The following LMBR1 variants were observed in gnomAD, a reference collection of about 807,000 sequenced individuals.
LMBR1 encodes limb region 1 protein homolog.
Under a neutral mutation model 73.9 loss-of-function variants are expected in LMBR1, and 52 were observed. The ratio of observed to expected loss-of-function variants is 0.70; its 90% CI spans 0.56 to 0.89. LMBR1 has a LOEUF of 0.89. Ranked by LOEUF, LMBR1 falls within the 40% of genes least tolerant of loss-of-function variation. The pLI is 0.00. For missense variants in LMBR1, 539 were observed against 579.8 expected (o/e 0.93, Z 0.72); for synonymous variants, 215 against 209.4 (o/e 1.03, Z -0.23).
chr7:156,689,793 A>G (rs1213533066), intron 15 of LMBR1, among the ~76,000 whole-genome samples: 1 of 152,214 alleles, frequency 6.6e-6, no homozygotes, highest in East Asian at 1.9e-4. Context: ...TTTCTCAGCT[A>G]TTCATATTAA....
rs771271552 is a variant in LMBR1, at chr7:156,712,349, T to TA, written c.1225+11762dup. Among the ~76,000 whole-genome samples, 450 of 150,476 alleles carry TA rather than the reference T, an allele frequency of 3.0e-3. 3 individuals carry two copies. The highest frequency in any genetic ancestry group is 9.4e-3 in the African/African-American group (387 of 41,022). On this transcript the variant is annotated intron_variant, in intron 15 of 16. Transcript: ENST00000353442. ...AGTCAGAATGGCTACTATTAAAAAG[T>TA]AAAAAAAAACAACAAATGTTGGAGA...
At chr7:156,784,843 C>A (rs956175258) in intron 5 of LMBR1, among the ~76,000 whole-genome samples, 2 of 152,120 alleles carry the variant, frequency 1.3e-5, no homozygotes, top group African/African-American at 4.8e-5. Flanking sequence ...ACATACTCCT[C>A]CAGGACCTGA....
chr7:156,797,450 T>A (rs957873430), intron 4 of LMBR1, among the ~76,000 whole-genome samples: 1 of 152,238 alleles, frequency 6.6e-6, no homozygotes, highest in Non-Finnish European at 1.5e-5. Context: ...GCCATTATAA[T>A]TCAATGTTTT....
At chr7:156,773,810 A>G (rs1395235399) in intron 5 of LMBR1, among the ~76,000 whole-genome samples, 5 of 152,202 alleles carry the variant, frequency 3.3e-5, no homozygotes, top group Non-Finnish European at 1.5e-5. Context: ...TTCAGGATGA[A>G]GACACCAAAA....
chr7:156,721,466 C>A (rs927307150), intron 15 of LMBR1, among the ~76,000 whole-genome samples: 1 of 152,012 alleles, frequency 6.6e-6, no homozygotes, highest in African/African-American at 2.4e-5. Flanking sequence ...TTAGTTTGAT[C>A]TTGTTCTATT....
At chr7:156,786,195 T>TAGGGA (rs1020218267) in intron 5 of LMBR1, among the ~76,000 whole-genome samples, 11 of 72,884 alleles carry the variant, frequency 1.5e-4, no homozygotes, top group East Asian at 1.5e-3. Flanking sequence ...AGGAAGGAGG[T>TAGGGA]AGGGAAGGGA....
intron 10 of LMBR1, among the ~76,000 whole-genome samples, chr7:156,732,315 G>A (rs143279650): frequency 2.0e-4 from 30 of 152,284 alleles, no homozygotes; most frequent in African/African-American, 7.0e-4. Flanking sequence ...ACTGTCTTGA[G>A]AGTTTCCAGG....
At chr7:156,854,921 C>A (rs1014595352) in intron 1 of LMBR1, among the ~76,000 whole-genome samples, 2 of 152,214 alleles carry the variant, frequency 1.3e-5, no homozygotes, top group South Asian at 2.1e-4. Flanking sequence ...AAACCTGTAG[C>A]TACTTCAAAC....
In LMBR1 at chr7:156,725,785, G is replaced by A. The variant is rs970542430; in HGVS notation, c.1046C>T (p.Ala349Val). 14 of 1,613,484 alleles carry A rather than the reference G, an allele frequency of 8.7e-6. No individual in the cohort carries two copies. The highest frequency in any genetic ancestry group is 6.6e-5 in the South Asian group (6 of 90,996). ...SLSTFGFVGAALEIILIFYLM... is the reference protein window; with the variant it reads ...SLSTFGFVGAVLEIILIFYLM... ...ATACAAAATCAAAATGATTTCAAGC[G>A]CAGCTCCCACAAAACCAAACGTAGA... Residue 349 changes from alanine to valine, a missense_variant, in exon 13 of 17, where the codon GCG becomes GTG. Around this residue, in one of 3 missense-constraint regions of LMBR1, gnomAD observed 454 missense variants for 473.4 expected, o/e 0.96. Transcript: ENST00000353442.
At chr7:156,795,363 G>A (rs79653031) in intron 5 of LMBR1, among the ~76,000 whole-genome samples, 1 of 152,112 alleles carries the variant, frequency 6.6e-6, no homozygotes, top group Non-Finnish European at 1.5e-5. Flanking sequence ...AAGGCCAGAG[G>A]CCCATCTTTT....
chr7:156,868,718 C>A (rs1011543927), intron 1 of LMBR1, among the ~76,000 whole-genome samples: 3 of 151,536 alleles, frequency 2.0e-5, no homozygotes, highest in African/African-American at 7.3e-5. Flanking sequence ...GTAATCCCAA[C>A]ACTTTGGGAA....
At chr7:156,860,940 C>G (rs2134187442) in intron 1 of LMBR1, among the ~76,000 whole-genome samples, 1 of 152,382 alleles carries the variant, frequency 6.6e-6, no homozygotes, top group Non-Finnish European at 1.5e-5. Context: ...CTTTCACCAG[C>G]TAGCATTGAG....
intron 4 of LMBR1, among the ~76,000 whole-genome samples, chr7:156,812,689 A>C (rs896454934): frequency 3.3e-5 from 5 of 152,204 alleles, no homozygotes; most frequent in East Asian, 3.8e-4. Flanking sequence ...CCAAAAACAG[A>C]ACACCAGTTT....
At chr7:156,763,258 A>C (rs2132929428) in intron 6 of LMBR1, 82 bp from the exon 7 acceptor site, 1 of 602,336 alleles carries the variant, frequency 1.7e-6, no homozygotes, top group East Asian at 3.3e-5. Context: ...GATAAGATAG[A>C]GGCTGACTGT....
At chr7:156,880,922 G>A (rs577315458) in intron 1 of LMBR1, among the ~76,000 whole-genome samples, 4 of 152,090 alleles carry the variant, frequency 2.6e-5, no homozygotes, top group Non-Finnish European at 5.9e-5. Context: ...CAAAGTGCTG[G>A]GACTTCAAGC....
At position 156,680,891 on chromosome 7, in the gene LMBR1, TACA is replaced by T. The variant is rs1804909022; in HGVS notation, c.*3184_*3186del. ...AAACCAAATATGAAATCACTTTTTG[TACA>T]ACTTTTAATTTCTAAGACATTTAAA... On this transcript the variant is annotated 3_prime_UTR_variant, in exon 17 of 17. Transcript: ENST00000353442. 1 of 236,014 alleles carries T rather than the reference TACA, an allele frequency of 4.2e-6. No individual in the cohort carries two copies. The highest frequency in any genetic ancestry group is 4.8e-5 in the South Asian group (1 of 20,706). 14.6% of individuals were successfully genotyped at this position (236,014 alleles called of 1,614,324 possible).
intron 5 of LMBR1, among the ~76,000 whole-genome samples, chr7:156,764,024 A>G (rs928318080): frequency 6.6e-6 from 1 of 152,226 alleles, no homozygotes; most frequent in African/African-American, 2.4e-5. Context: ...TTCTTCATAA[A>G]AAACATCTGC....
At chr7:156,877,881 CAAAA>C (rs35576209) in intron 1 of LMBR1, among the ~76,000 whole-genome samples, 5 of 121,934 alleles carry the variant, frequency 4.1e-5, no homozygotes, top group Admixed American at 8.2e-5. Context: ...AGACTCCACT[CAAAA>C]AAAAAAAAAA....
rs1817424361 is a variant in LMBR1, at chr7:156,734,232, G to A, written c.783C>T (p.Asn261=). 6.2e-7 allele frequency: 1 copy of A among 1,609,896 alleles called. No homozygotes were observed. The highest frequency in any genetic ancestry group is 8.5e-7 in the Non-Finnish European group (1 of 1,178,612). The change falls in exon 10 of 17, where the codon AAC becomes AAT. Residue 261 remains asparagine (N), a synonymous_variant. Transcript: ENST00000353442. The part of the protein sequence containing the change: ...LNGLSSSVEY[N]IMELEQELEN... The stretch of plus-strand genomic sequence containing the variant: ...CAAGTTCTTGTTCCAACTCCATTAT[G>A]TTGTATTCCACCGATGAAGACAGCC...
Sources: gnomAD v4.1 joint callset for allele counts (sites outside exome capture counted in the v4.1 genomes callset) on GRCh38, gnomAD v4.1.1 for gene constraint, gnomAD v4.1.1 regional missense constraint, MANE v1.5 for transcripts, NCBI Gene and HGNC (gene_info 2026-07-23, HGNC 2026-07-21) for gene names.